Variants in KIF27 observed in about 807,000 individuals in gnomAD.
KIF27 encodes the protein kinesin-like protein KIF27.
In KIF27, 84 loss-of-function variants were observed where a neutral mutation model predicts 141.8. The ratio of observed to expected loss-of-function variants is 0.59; its 90% CI spans 0.50 to 0.71. The LOEUF is 0.71. Ranked by LOEUF, KIF27 falls within the 30% of genes least tolerant of loss-of-function variation. The pLI, the probability that KIF27 is intolerant of heterozygous loss-of-function variation, is 0.00. For synonymous variants in KIF27, 471 were observed against 569.5 expected, an observed-to-expected ratio of 0.83 and a Z score of 2.46; for missense variants, 1,306 against 1,628.4, an observed-to-expected ratio of 0.80 and a Z score of 3.41.
rs1167629166 is a variant in KIF27 at position 83,853,731 on chromosome 9, T to C, written c.3255A>G (p.Ala1085=). The change falls in exon 15 of 18, where the codon GCA becomes GCG. Residue 1085 remains alanine, a synonymous_variant. Transcript: ENST00000297814. The part of the protein sequence containing the change: ...SIQNRQKSLR[A]SFHNLSRGEA... ...CACCACGAGAGAGGTTATGGAATGA[T>C]GCTCTAAGTGACTTCTGGCGATTCT... is the stretch of plus-strand genomic sequence containing the variant. 1 of 1,613,844 alleles carries C rather than the reference T, an allele frequency of 6.2e-7. No individual in the cohort carries two copies.
intron 17 of KIF27, among the ~76,000 whole-genome samples, chr9:83,840,293 A>T (rs1178678722): frequency 6.6e-6 from 1 of 152,106 alleles, no homozygotes; most frequent in Non-Finnish European, 1.5e-5. Flanking sequence ...TATAGCCAAA[A>T]ATAGAAGCAT....
intron 15 of KIF27, among the ~76,000 whole-genome samples, chr9:83,852,211 C>T (rs552639362): frequency 6.9e-4 from 104 of 151,558 alleles, no homozygotes; most frequent in African/African-American, 2.3e-3. Flanking sequence ...TTTGGGAGGC[C>T]GAGGCAGGCG....
intron 1 of KIF27, among the ~76,000 whole-genome samples, chr9:83,920,989 C>T (rs1956216135): frequency 6.6e-6 from 1 of 152,188 alleles, no homozygotes; most frequent in Non-Finnish European, 1.5e-5. Flanking sequence ...CGTCGCACCT[C>T]ACGCCGTGCA....
chr9:83,866,446 C>T (rs1223945528), intron 13 of KIF27, among the ~76,000 whole-genome samples: 1 of 152,100 alleles, frequency 6.6e-6, no homozygotes, highest in Non-Finnish European at 1.5e-5. Context: ...CATCTATTTG[C>T]TTTCCATCTT....
chr9:83,876,984 G>GCC (rs1191352102), intron 11 of KIF27, among the ~76,000 whole-genome samples: 1 of 152,134 alleles, frequency 6.6e-6, no homozygotes, highest in East Asian at 1.9e-4. Context: ...GGCTAAGGCA[G>GCC]GTGGATCACT....
At chr9:83,916,903 T>C (rs374395325) in intron 1 of KIF27, among the ~76,000 whole-genome samples, 2 of 152,240 alleles carry the variant, frequency 1.3e-5, no homozygotes, top group South Asian at 4.1e-4. Context: ...GACCTCGTGA[T>C]GCGCCTGTCT....
At position 83,867,785 on chromosome 9, in the gene KIF27, G is replaced by C. The variant is rs1456339726; in HGVS notation, c.2833C>G (p.Leu945Val). 1.2e-6 allele frequency: 2 copies of C among 1,613,334 alleles called. No homozygotes were observed. Among genetic ancestry groups the C allele is most frequent in the Non-Finnish European group, 1.7e-6 (2 of 1,179,648 alleles). Residue 945 changes from leucine (L) to valine (V), a missense_variant, in exon 13 of 18, where the codon CTG becomes GTG. By Grantham distance (32) the Leu-to-Val change is conservative. Around this residue, in one of 4 missense-constraint regions of KIF27, gnomAD observed 596 missense variants for 751.6 expected, o/e 0.79. Transcript: ENST00000297814. ...TCCCGTTTCTTTAAGTCTGCTTCCAGCTCCTCTAATTCTTGGCGTTGGTTC... is the reference window on the plus strand; with the variant it reads ...TCCCGTTTCTTTAAGTCTGCTTCCACCTCCTCTAATTCTTGGCGTTGGTTC... Reference protein sequence around the residue: ...VLNQRQELEELEADLKKREAI... With the variant: ...VLNQRQELEEVEADLKKREAI...
rs767731776 is a variant in KIF27 at position 83,853,653 on chromosome 9, A to C, written c.3333T>G (p.Thr1111=). The C allele has an allele frequency of 2.5e-6, 4 of 1,613,454 alleles. No individual in the cohort carries two copies. In the African/African-American group the frequency reaches 5.3e-5, roughly 22 times the overall value. The change falls in exon 15 of 18, where the codon ACT becomes ACG. Residue 1111 remains threonine (T), a synonymous_variant. Coordinates refer to ENST00000297814, the MANE Select transcript of KIF27 (RefSeq NM_017576.4). The stretch of plus-strand genomic sequence containing the variant: ...CCTTATTGAAATATCTGAAAAGAAT[A>C]GTTCTAATCTCAACAGGACTCAGGC... ...LACLSPVEIR[T]ILFRYFNKVV...
rs767822811 is a variant in KIF27 at position 83,867,856 on chromosome 9, A to G, written c.2762T>C (p.Leu921Ser). 1 of 1,571,102 alleles carries G rather than the reference A, an allele frequency of 6.4e-7. No individual in the cohort carries two copies. The highest frequency in any genetic ancestry group is 8.6e-7 in the Non-Finnish European group (1 of 1,165,744). ...ATCTAACCATTTCTTTTGCTCATCC[A>G]ATTTCTACATTAAAATTAAAAAAAA... is the stretch of plus-strand genomic sequence containing the variant. ...SFGSIDHLQK[L>S]DEQKKWLDEE... Residue 921 changes from leucine to serine, a missense_variant, in exon 13 of 18, where the codon TTG (leucine) becomes TCG (serine). Physicochemically the swap from Leu to Ser is moderately radical, Grantham distance 145. This residue lies in a region of KIF27 where 596 missense variants were observed against 751.6 expected (regional missense o/e 0.79). Coordinates refer to ENST00000297814, the MANE Select transcript of KIF27 (RefSeq NM_017576.4).
At chr9:83,869,904 C>A (rs908005802) in intron 12 of KIF27, among the ~76,000 whole-genome samples, 2 of 152,056 alleles carry the variant, frequency 1.3e-5, no homozygotes, top group African/African-American at 4.8e-5. Context: ...TGGATGAGAA[C>A]ATAATTTTGT....
intron 1 of KIF27, among the ~76,000 whole-genome samples, chr9:83,918,904 C>T (rs1400530064): frequency 1.3e-5 from 2 of 152,032 alleles, no homozygotes; most frequent in African/African-American, 4.8e-5. Flanking sequence ...GGTGAAACCC[C>T]GTCCTTACTA....
chr9:83,862,940 G>C (rs1375158236), intron 13 of KIF27, among the ~76,000 whole-genome samples: 1 of 152,114 alleles, frequency 6.6e-6, no homozygotes, highest in African/African-American at 2.4e-5. Flanking sequence ...TGAAGCAATT[G>C]TGAATGGGAG....
intron 10 of KIF27, among the ~76,000 whole-genome samples, chr9:83,881,871 T>C (rs1227824033): frequency 6.6e-6 from 1 of 152,248 alleles, no homozygotes; most frequent in East Asian, 1.9e-4. Context: ...GTTGCCATTG[T>C]CTTTTGCACT....
intron 11 of KIF27, among the ~76,000 whole-genome samples, chr9:83,873,505 T>A (rs570721048): frequency 6.6e-6 from 1 of 152,190 alleles, no homozygotes; most frequent in Non-Finnish European, 1.5e-5. Flanking sequence ...GACATGGATA[T>A]AAGAGAAGTG....
intron 11 of KIF27, among the ~76,000 whole-genome samples, chr9:83,874,792 G>C (rs566019508): frequency 8.0e-5 from 12 of 150,140 alleles, no homozygotes; most frequent in Non-Finnish European, 1.3e-4. Flanking sequence ...AAGTGTGTGA[G>C]GTACGCTGGC....
At chr9:83,872,391 T>C (rs1950870778) in intron 11 of KIF27, among the ~76,000 whole-genome samples, 1 of 152,158 alleles carries the variant, frequency 6.6e-6, no homozygotes, top group Non-Finnish European at 1.5e-5. Flanking sequence ...TGTCCATCAC[T>C]AAAGCTTAGC....
chr9:83,918,477 A>G (rs1260675346), intron 1 of KIF27, among the ~76,000 whole-genome samples: 1 of 152,220 alleles, frequency 6.6e-6, no homozygotes, highest in Non-Finnish European at 1.5e-5. Flanking sequence ...ATATCTAACA[A>G]GGAACTTGCA....
chr9:83,865,468 T>C (rs1564331793), intron 13 of KIF27, among the ~76,000 whole-genome samples: 1 of 152,074 alleles, frequency 6.6e-6, no homozygotes, highest in Non-Finnish European at 1.5e-5. Context: ...GGCTAATTTT[T>C]GTATTTTTAG....
At chr9:83,912,326 C>T (rs928775782) in intron 2 of KIF27, among the ~76,000 whole-genome samples, 7 of 152,230 alleles carry the variant, frequency 4.6e-5, no homozygotes, top group African/African-American at 1.7e-4. Context: ...GAGTTTCCAT[C>T]AACTTTGATG....
Sources: gnomAD v4.1 joint callset for allele counts (sites outside exome capture counted in the v4.1 genomes callset) on GRCh38, gnomAD v4.1.1 for gene constraint, gnomAD v4.1.1 regional missense constraint, MANE v1.5 for transcripts, NCBI Gene and HGNC (gene_info 2026-07-23, HGNC 2026-07-21) for gene names.